The following KCNH5 variants were observed in gnomAD, a reference collection of about 807,000 sequenced individuals.
KCNH5 encodes the protein potassium voltage-gated channel subfamily H member 5.
Under a neutral mutation model 96.1 loss-of-function variants are expected in KCNH5, and 46 were observed. That is an observed-to-expected ratio of 0.48 (90% confidence interval 0.38 to 0.61). The LOEUF (loss-of-function observed/expected upper bound fraction) is 0.61, where lower values mean the gene tolerates loss of function less well. Among genes scored for constraint, KCNH5 ranks in the 20% least tolerant of loss-of-function variants. The probability of loss-of-function intolerance (pLI) is 0.00; values close to 1 mark genes in which losing one functional copy is unlikely to be tolerated. For missense variants in KCNH5, 907 were observed against 1,225.8 expected (o/e 0.74, Z 3.88); for synonymous variants, 439 against 449.8 (o/e 0.98, Z 0.30).
chr14:62,816,274 A>T (rs1003742447), intron 8 of KCNH5, among the ~76,000 whole-genome samples: 2 of 151,950 alleles, frequency 1.3e-5, no homozygotes, highest in Non-Finnish European at 2.9e-5. Context: ...ATAGATTTAT[A>T]TAAGTATATC....
intron 6 of KCNH5, among the ~76,000 whole-genome samples, chr14:62,961,969 G>A (rs1251659451): frequency 4.6e-5 from 7 of 151,936 alleles, no homozygotes; most frequent in Non-Finnish European, 7.4e-5. Flanking sequence ...AGATGGAGAC[G>A]GAGATGCAGA....
chr14:62,714,690 A>G (rs1595590689), intron 10 of KCNH5, among the ~76,000 whole-genome samples: 3 of 152,356 alleles, frequency 2.0e-5, no homozygotes, highest in Admixed American at 1.3e-4. Flanking sequence ...AGTTCATAAG[A>G]GTTCAACTTG....
chr14:63,021,513 C>T (rs1346685317), intron 1 of KCNH5, among the ~76,000 whole-genome samples: 1 of 152,160 alleles, frequency 6.6e-6, no homozygotes, highest in African/African-American at 2.4e-5. Context: ...CTCAACTCTA[C>T]ATTTTCTATG....
intron 1 of KCNH5, among the ~76,000 whole-genome samples, chr14:63,023,154 G>C (rs1188067388): frequency 6.6e-6 from 1 of 150,886 alleles, no homozygotes; most frequent in East Asian, 1.9e-4. Flanking sequence ...AGTGAGCCAA[G>C]ATCATGCCAC....
intron 7 of KCNH5, among the ~76,000 whole-genome samples, chr14:62,865,688 T>C (rs931121239): frequency 3.9e-5 from 6 of 152,214 alleles, no homozygotes; most frequent in South Asian, 2.1e-4. Flanking sequence ...AATTCTTTTT[T>C]TCAAATCCCT....
chr14:62,768,081 G>T (rs1179069653), intron 10 of KCNH5, among the ~76,000 whole-genome samples: 1 of 152,032 alleles, frequency 6.6e-6, no homozygotes, highest in Non-Finnish European at 1.5e-5. Context: ...AGAGGGGTGA[G>T]GGATGAGAAA....
At chr14:62,919,176 T>C (rs998694458) in intron 7 of KCNH5, among the ~76,000 whole-genome samples, 1 of 152,120 alleles carries the variant, frequency 6.6e-6, no homozygotes, top group African/African-American at 2.4e-5. Flanking sequence ...TATCAGAAAG[T>C]ATATTCACTC....
chr14:62,915,297 A>G (rs1018452181), intron 7 of KCNH5, among the ~76,000 whole-genome samples: 6 of 152,168 alleles, frequency 3.9e-5, no homozygotes, highest in African/African-American at 1.4e-4. Flanking sequence ...CGGGGACTAT[A>G]TGTTTTGGCA....
At chr14:62,938,810 C>A (rs1383206196) in intron 7 of KCNH5, among the ~76,000 whole-genome samples, 2 of 152,180 alleles carry the variant, frequency 1.3e-5, no homozygotes, top group Non-Finnish European at 2.9e-5. Context: ...ACTAAAACGT[C>A]TGTTCTAAGA....
chr14:62,701,123 A>G lies in KCNH5; in HGVS notation c.*6385T>C, dbSNP rs1179977686. On this transcript the variant is annotated 3_prime_UTR_variant, in exon 11 of 11. Transcript: ENST00000322893. ...TGATCAGATCTTTTTGTTTCCTCCC[A>G]TCAAAATGCAGCCCAACCAGCCAAG... 6.6e-6 allele frequency: 1 copy of G among 152,122 alleles called. No individual in the cohort carries two copies. Among genetic ancestry groups the G allele is most frequent in the African/African-American group, 2.4e-5 (1 of 41,442 alleles). 9.4% of individuals were successfully genotyped at this position (152,122 alleles called of 1,614,324 possible).
intron 7 of KCNH5, among the ~76,000 whole-genome samples, chr14:62,928,766 C>A (rs1053593253): frequency 6.6e-6 from 1 of 152,034 alleles, no homozygotes; most frequent in African/African-American, 2.4e-5. Context: ...TACAGCATAC[C>A]TCACTCCTAG....
intron 7 of KCNH5, among the ~76,000 whole-genome samples, chr14:62,897,867 T>C (rs564778562): frequency 8.5e-4 from 130 of 152,256 alleles, no homozygotes; most frequent in Middle Eastern, 6.8e-3. Context: ...GGGGTGGTAA[T>C]TGAAACTTCC....
intron 7 of KCNH5, among the ~76,000 whole-genome samples, chr14:62,948,352 A>G (rs1889934274): frequency 6.6e-6 from 1 of 152,172 alleles, no homozygotes; most frequent in African/African-American, 2.4e-5. Context: ...ACAGAAATAC[A>G]AACTACCATC....
intron 7 of KCNH5, among the ~76,000 whole-genome samples, chr14:62,878,637 T>G (rs1317863917): frequency 6.6e-6 from 1 of 152,164 alleles, no homozygotes; most frequent in Admixed American, 6.5e-5. Flanking sequence ...GCAATCTAAT[T>G]TAAAATGAGC....
intron 7 of KCNH5, among the ~76,000 whole-genome samples, chr14:62,908,702 A>G (rs1300682383): frequency 1.3e-5 from 2 of 151,390 alleles, no homozygotes; most frequent in East Asian, 3.9e-4. Flanking sequence ...CTTCGCTGTG[A>G]AAGAATTTTT....
rs1035599543 is a variant in KCNH5, at chr14:62,786,033, A to G, written c.1823-6109T>C. ...TGGTGAAATCCCATTTCTACTAAAA[A>G]TACAAAAATTAGCTGGGCACAGTGG... On this transcript the variant is annotated intron_variant, in intron 9 of 10. Coordinates refer to ENST00000322893, the MANE Select transcript of KCNH5 (RefSeq NM_139318.5). Among the ~76,000 whole-genome samples the G allele has an allele frequency of 2.0e-5, 3 of 152,110 alleles. No homozygotes were observed. The East Asian group carries it at 5.8e-4, about 29-fold the overall frequency.
intron 7 of KCNH5, among the ~76,000 whole-genome samples, chr14:62,935,502 A>C (rs1207792424): frequency 6.6e-6 from 1 of 152,228 alleles, no homozygotes; most frequent in Non-Finnish European, 1.5e-5. Context: ...GTCTCATGGC[A>C]GTAAACGAGG....
intron 9 of KCNH5, among the ~76,000 whole-genome samples, chr14:62,791,460 C>T (rs1886433078): frequency 1.3e-5 from 2 of 151,432 alleles, no homozygotes; most frequent in African/African-American, 4.8e-5. Flanking sequence ...ATTAAATTAT[C>T]CAATCAAAAG....
chr14:63,039,794 T>A (rs559946021), intron 1 of KCNH5, among the ~76,000 whole-genome samples: 1 of 152,118 alleles, frequency 6.6e-6, no homozygotes, highest in African/African-American at 2.4e-5. Flanking sequence ...TTTTTTCATT[T>A]AACTTTCCTG....
Sources: gnomAD v4.1 joint callset for allele counts (sites outside exome capture counted in the v4.1 genomes callset) on GRCh38, gnomAD v4.1.1 for gene constraint, MANE v1.5 for transcripts, NCBI Gene and HGNC (gene_info 2026-07-23, HGNC 2026-07-21) for gene names.